B3GAT2: variants seen among roughly 807,000 people sequenced by gnomAD.
B3GAT2 encodes beta-1,3-glucuronyltransferase 2.
Under a neutral mutation model 27.8 loss-of-function variants are expected in B3GAT2, and 26 were observed. The observed-to-expected ratio is 0.93, with a 90% CI of 0.68 to 1.30. B3GAT2 has a LOEUF of 1.30. Among genes scored for constraint, B3GAT2 ranks in the 50% most tolerant of loss-of-function variants. The pLI is 0.00. For missense variants in B3GAT2, 458 were observed against 459.0 expected, an observed-to-expected ratio of 1.00 and a Z score of 0.02; for synonymous variants, 218 against 195.1, an observed-to-expected ratio of 1.12 and a Z score of -0.98.
rs1771647062 is a variant in B3GAT2 at position 70,860,135 on chromosome 6, G to A, written c.*1528C>T. ...TAATGAAAAAATGACCAACTGTGTG[G>A]CTAAAGAAACAAGAATTAAAAGTGA... On this transcript the variant is annotated 3_prime_UTR_variant, in exon 4 of 4. Coordinates refer to ENST00000230053, the MANE Select transcript of B3GAT2 (RefSeq NM_080742.3). 2 of 1,500,014 alleles carry A rather than the reference G, an allele frequency of 1.3e-6. No individual in the cohort carries two copies. The highest frequency in any genetic ancestry group is 1.8e-6 in the Non-Finnish European group (2 of 1,122,834). 92.9% of individuals were successfully genotyped at this position (1,500,014 alleles called of 1,614,324 possible). A position where few individuals can be genotyped will look rare whatever the true frequency, so the allele number is the denominator to read the frequency against.
At chr6:70,946,658 A>G (rs1562237663) in intron 1 of B3GAT2, among the ~76,000 whole-genome samples, 1 of 152,208 alleles carries the variant, frequency 6.6e-6, no homozygotes, top group African/African-American at 2.4e-5. Flanking sequence ...CACTGTCAAC[A>G]TTAGACAGAT....
chr6:70,913,420 T>G (rs907715286), intron 1 of B3GAT2, among the ~76,000 whole-genome samples: 2 of 152,232 alleles, frequency 1.3e-5, no homozygotes, highest in African/African-American at 4.8e-5. Context: ...TTCAATAGTT[T>G]CAAAAAATGT....
At chr6:70,882,181 T>C (rs2150026990) in intron 2 of B3GAT2, among the ~76,000 whole-genome samples, 1 of 152,244 alleles carries the variant, frequency 6.6e-6, no homozygotes, top group Middle Eastern at 3.4e-3. Flanking sequence ...TTCTTAGATA[T>C]GACACCAAAA....
At chr6:70,925,064 TA>T (rs1268459747) in intron 1 of B3GAT2, among the ~76,000 whole-genome samples, 3 of 152,196 alleles carry the variant, frequency 2.0e-5, no homozygotes, top group African/African-American at 7.2e-5. Flanking sequence ...GGACTCAGCA[TA>T]AGGATCATTT....
At chr6:70,886,615 C>G (rs963723148) in intron 2 of B3GAT2, among the ~76,000 whole-genome samples, 2 of 152,106 alleles carry the variant, frequency 1.3e-5, no homozygotes, top group African/African-American at 2.4e-5. Flanking sequence ...TCCCTCTCCA[C>G]GTCCACCCCA....
intron 1 of B3GAT2, among the ~76,000 whole-genome samples, chr6:70,937,638 C>T (rs1431264681): frequency 1.3e-5 from 2 of 151,456 alleles, no homozygotes; most frequent in Non-Finnish European, 3.0e-5. Flanking sequence ...ATAAACAGAA[C>T]CAAAGACAAA....
At chr6:70,953,662 T>A (rs1017977952) in intron 1 of B3GAT2, among the ~76,000 whole-genome samples, 8 of 152,236 alleles carry the variant, frequency 5.3e-5, no homozygotes, top group African/African-American at 1.7e-4. Context: ...CCTGTTGTAT[T>A]TTTTGTATAT....
At chr6:70,862,488 G>A (rs759796995) in intron 2 of B3GAT2, among the ~76,000 whole-genome samples, 70 of 152,210 alleles carry the variant, frequency 4.6e-4, no homozygotes, top group African/African-American at 1.7e-3. Context: ...AAGCCGATTA[G>A]CTGGAAAATG....
intron 1 of B3GAT2, among the ~76,000 whole-genome samples, chr6:70,921,974 G>A (rs938026704): frequency 3.3e-5 from 5 of 152,102 alleles, no homozygotes; most frequent in African/African-American, 9.7e-5. Flanking sequence ...CACTCTGGGG[G>A]CAAGGTATTC....
At chr6:70,900,870 T>C (rs192635755) in intron 1 of B3GAT2, among the ~76,000 whole-genome samples, 4 of 152,362 alleles carry the variant, frequency 2.6e-5, no homozygotes, top group African/African-American at 9.6e-5. Flanking sequence ...TAAAATGCTA[T>C]AGGCAACTTC....
At chr6:70,909,920 C>G (rs1363489789) in intron 1 of B3GAT2, among the ~76,000 whole-genome samples, 1 of 152,078 alleles carries the variant, frequency 6.6e-6, no homozygotes, top group African/African-American at 2.4e-5. Context: ...GTTGCCCAGG[C>G]TGGAGTGCAG....
rs538217899 is a variant in B3GAT2 at position 70,865,306 on chromosome 6, C to T, written c.737-3328G>A. Among the ~76,000 whole-genome samples the T allele has an allele frequency of 4.7e-4, 71 of 152,148 alleles. 1 individual carries two copies. Among genetic ancestry groups the T allele is most frequent in the Middle Eastern group, 3.4e-3 (1 of 294 alleles). On this transcript the variant is annotated intron_variant, in intron 2 of 3. Coordinates refer to ENST00000230053, the MANE Select transcript of B3GAT2 (RefSeq NM_080742.3). ...GCTAATTTTGTATTTTTAGCAGAGA[C>T]GGGGTTTCACTATGTCGGCCAGGCT... is the stretch of plus-strand genomic sequence containing the variant.
chr6:70,884,885 T>G (rs774392709), intron 2 of B3GAT2, among the ~76,000 whole-genome samples: 1 of 152,172 alleles, frequency 6.6e-6, no homozygotes. Flanking sequence ...TCAGGGTGAT[T>G]ACAGCTGCTC....
At chr6:70,884,459 C>T (rs1772150338) in intron 2 of B3GAT2, among the ~76,000 whole-genome samples, 1 of 152,170 alleles carries the variant, frequency 6.6e-6, no homozygotes, top group Admixed American at 6.5e-5. Context: ...AGAGACTGTG[C>T]CCGGCCTGGA....
At chr6:70,916,174 A>C (rs1283064539) in intron 1 of B3GAT2, among the ~76,000 whole-genome samples, 3 of 151,364 alleles carry the variant, frequency 2.0e-5, no homozygotes, top group Non-Finnish European at 4.4e-5. Flanking sequence ...TGGGAATGGG[A>C]GTTCACTCAT....
At chr6:70,874,370 C>T (rs182907235) in intron 2 of B3GAT2, among the ~76,000 whole-genome samples, 61 of 152,302 alleles carry the variant, frequency 4.0e-4, no homozygotes, top group African/African-American at 1.5e-3. Context: ...ACCAGAGTCT[C>T]TCAGTCTTTG....
intron 1 of B3GAT2, among the ~76,000 whole-genome samples, chr6:70,934,230 C>T (rs1582390677): frequency 2.0e-5 from 3 of 152,188 alleles, no homozygotes; most frequent in Admixed American, 1.3e-4. Context: ...TATGTGAATG[C>T]AGATAACTTT....
chr6:70,875,516 A>G (rs918599634), intron 2 of B3GAT2, among the ~76,000 whole-genome samples: 2 of 152,178 alleles, frequency 1.3e-5, no homozygotes, highest in South Asian at 4.1e-4. Flanking sequence ...GAATGCTCAT[A>G]TGTCATGAAG....
intron 2 of B3GAT2, among the ~76,000 whole-genome samples, chr6:70,874,192 T>G (rs13217676): frequency 0.027 from 4,171 of 152,308 alleles, 93 homozygotes; most frequent in Non-Finnish European, 0.035. Context: ...GAAATCAGAT[T>G]CTCTAAGGTT....
Sources: gnomAD v4.1 joint callset for allele counts (sites outside exome capture counted in the v4.1 genomes callset) on GRCh38, gnomAD v4.1.1 for gene constraint, MANE v1.5 for transcripts, NCBI Gene and HGNC (gene_info 2026-07-23, HGNC 2026-07-21) for gene names.